The following VWF variants were observed in gnomAD, a reference collection of about 807,000 sequenced individuals.
The protein encoded by VWF is Factor VIII related antigen.
A neutral mutation model predicts 308.6 loss-of-function variants in VWF; 176 were observed. That is an observed-to-expected ratio of 0.57 (90% CI 0.50 to 0.65). The LOEUF is 0.65. Ranked by LOEUF, VWF falls within the 30% of genes least tolerant of loss-of-function variation. The pLI, the probability that VWF is intolerant of heterozygous loss-of-function variation, is 0.00. For synonymous variants in VWF, 1,385 were observed against 1,443.4 expected (o/e 0.96, Z 0.92); for missense variants, 3,146 against 3,648.2 (o/e 0.86, Z 3.55).
chr12:6,093,931 T>C (rs1311156905), intron 6 of VWF, among the ~76,000 whole-genome samples: 1 of 152,166 alleles, frequency 6.6e-6, no homozygotes, highest in Non-Finnish European at 1.5e-5. Flanking sequence ...GCTACAAGGC[T>C]ACCTTGTAAG....
At chr12:6,045,133 C>T (rs1190062705) in intron 17 of VWF, among the ~76,000 whole-genome samples, 2 of 152,230 alleles carry the variant, frequency 1.3e-5, no homozygotes, top group African/African-American at 2.4e-5. Flanking sequence ...TTTCTATCTA[C>T]TTTGCGCATT....
In VWF at chr12:5,958,297, G is replaced by A. The variant is rs533549799; in HGVS notation, c.7888-4703C>T. Among the ~76,000 whole-genome samples the A allele has an allele frequency of 2.6e-5, 4 of 152,324 alleles. No individual in the cohort carries two copies. In the East Asian group the frequency reaches 7.7e-4, roughly 29 times the overall value. ...AAAAGCAAAATTCAATTAGTATGTT[G>A]TTTTCAAGAGACGCACTTTTAATTT... is the stretch of plus-strand genomic sequence containing the variant. On this transcript the variant is annotated intron_variant, in intron 47 of 51. Coordinates refer to ENST00000261405, the MANE Select transcript of VWF (RefSeq NM_000552.5).
rs756566834 is a variant in VWF, at chr12:6,044,394, T to G, written c.2339A>C (p.Asn780Thr). 6.2e-7 allele frequency: 1 copy of G among 1,614,140 alleles called. No homozygotes were observed. The change falls in exon 18 of 52, where the codon AAC (asparagine) becomes ACC (threonine). Residue 780 changes from asparagine to threonine, a missense_variant. This residue lies in a region of VWF where 1,304 missense variants were observed against 1,353.0 expected (regional missense o/e 0.96). Coordinates refer to ENST00000261405, the MANE Select transcript of VWF (RefSeq NM_000552.5). Reference sequence around the variant, plus strand: ...ACACTCGAGCCCTTCAGCCCGCAGGTTGTCAGCGGGACACACCAGCTTGAC... The same window carrying G: ...ACACTCGAGCCCTTCAGCCCGCAGGGTGTCAGCGGGACACACCAGCTTGAC... ...PMVKLVCPADNLRAEGLECTK... is the reference protein window; with the variant it reads ...PMVKLVCPADTLRAEGLECTK...
chr12:5,980,158 TGAGGGAGGGAGG>T (rs1173781906), intron 42 of VWF, among the ~76,000 whole-genome samples: 322 of 24,440 alleles, frequency 0.013, 8 homozygotes, highest in African/African-American at 0.043. Context: ...AGGGAGGGAG[TGAGGGAGGGAGG>T]GAGGGAGGGA....
At chr12:6,103,549 C>T (rs1346234802) in intron 5 of VWF, among the ~76,000 whole-genome samples, 2 of 52,872 alleles carry the variant, frequency 3.8e-5, no homozygotes, top group Admixed American at 1.8e-4. Context: ...TATGTATACA[C>T]ACACACACAC....
chr12:6,006,479 T>C (rs148326025), intron 34 of VWF, among the ~76,000 whole-genome samples: 57 of 152,264 alleles, frequency 3.7e-4, no homozygotes, highest in Non-Finnish European at 6.5e-4. Flanking sequence ...AATGAATTTT[T>C]AAAAATAAAA....
intron 42 of VWF, among the ~76,000 whole-genome samples, chr12:5,976,757 A>G (rs779922097): frequency 2.6e-5 from 4 of 152,206 alleles, no homozygotes; most frequent in Non-Finnish European, 5.9e-5. Flanking sequence ...TGGGACACAG[A>G]GCAGGGGATA....
At position 5,976,260 on chromosome 12, in the gene VWF, C is replaced by T. The variant is rs756456376; in HGVS notation, c.7288G>A (p.Val2430Met). Residue 2430 changes from valine to methionine, a missense_variant and splice_region_variant, in exon 43 of 52, where the codon GTG becomes ATG. By Grantham distance (21) the Val-to-Met change is conservative. Around this residue, in one of 3 missense-constraint regions of VWF, gnomAD observed 989 missense variants for 1,117.4 expected, o/e 0.89. Coordinates refer to ENST00000261405, the MANE Select transcript of VWF (RefSeq NM_000552.5). Reference protein sequence around the residue: ...CTTTTCLPDKVCVHRSTIYPV... With the variant: ...CTTTTCLPDKMCVHRSTIYPV... Reference sequence around the variant, plus strand: ...TAGATGGTGCTTCGGTGGACACACACCTGTAGACATAAGTTTTCGTGAGTG... The same window carrying T: ...TAGATGGTGCTTCGGTGGACACACATCTGTAGACATAAGTTTTCGTGAGTG... 8 of 1,614,144 alleles carry T rather than the reference C, an allele frequency of 5.0e-6. 1 individual carries two copies. The South Asian group carries it at 5.5e-5, about 11-fold the overall frequency.
intron 9 of VWF, among the ~76,000 whole-genome samples, chr12:6,072,063 G>A (rs1944787771): frequency 6.6e-6 from 1 of 152,154 alleles, no homozygotes; most frequent in African/African-American, 2.4e-5. Flanking sequence ...TAGTTTGGAG[G>A]GACAGCTAGA....
In VWF at chr12:5,948,999, T is replaced by C. The variant is rs1236812746; in HGVS notation, c.*16A>G. The C allele has an allele frequency of 2.5e-6, 4 of 1,608,280 alleles. No homozygotes were observed. Among genetic ancestry groups the C allele is most frequent in the Admixed American group, 1.7e-5 (1 of 59,462 alleles). ...CAAGGCAGGCAGCAGCAGGCACCCA[T>C]GCAGCTGCAGCAGCCTCACTTGCTG... On this transcript the variant is annotated 3_prime_UTR_variant, in exon 52 of 52. Coordinates refer to ENST00000261405, the MANE Select transcript of VWF (RefSeq NM_000552.5). The surrounding 1 kb of genome is among the most constrained non-coding windows in gnomAD (Gnocchi z 4.4).
At chr12:6,023,039 T>C in intron 25 of VWF, 141 bp from the exon 26 acceptor site, 1 of 463,102 alleles carries the variant, frequency 2.2e-6, no homozygotes, top group Non-Finnish European at 4.0e-6. Context: ...TAGAGACTTC[T>C]GGATTGTTGA....
chr12:6,051,670 C>T (rs1028131214), intron 16 of VWF, among the ~76,000 whole-genome samples: 14 of 152,130 alleles, frequency 9.2e-5, no homozygotes, highest in African/African-American at 3.4e-4. Flanking sequence ...AATGCAGTGG[C>T]GCGATCACAG....
intron 47 of VWF, among the ~76,000 whole-genome samples, chr12:5,964,001 A>G (rs1242448355): frequency 6.6e-6 from 1 of 151,780 alleles, no homozygotes; most frequent in Non-Finnish European, 1.5e-5. Flanking sequence ...AGGTCAGGAG[A>G]TTGAGACCAT....
intron 32 of VWF, among the ~76,000 whole-genome samples, chr12:6,012,953 G>A (rs888461472): frequency 6.6e-6 from 1 of 151,952 alleles, no homozygotes; most frequent in African/African-American, 2.4e-5. Flanking sequence ...CGCCCGCCTC[G>A]GCCTCCCAAA....
In VWF at chr12:6,081,028, CG is replaced by C. The variant is rs1944903348; in HGVS notation, c.658-5478del. 3.3e-5 allele frequency among the ~76,000 whole-genome samples: 5 copies of C among 152,192 alleles called. No individual in the cohort carries two copies. In the South Asian group the frequency reaches 1.0e-3, roughly 32 times the overall value. On this transcript the variant is annotated intron_variant, in intron 6 of 51. Transcript: ENST00000261405. ...CTGGCTCTTACCATCCACTCAGTCA[CG>C]GGGGGCTATTGGCTCATAGAGCTCC...
chr12:6,031,382 G>A lies in VWF; in HGVS notation c.2820+62C>T. ...AGCTCTAAATGAATGCTTGGAAAAT[G>A]TTCCTATTAAGTGGCAGAAGCACAA... On this transcript the variant is annotated intron_variant, in intron 21 of 51. Transcript: ENST00000261405. The A allele has an allele frequency of 3.1e-6, 5 of 1,613,878 alleles. No individual in the cohort carries two copies. In the South Asian group the frequency reaches 4.4e-5, roughly 14 times the overall value.
At chr12:6,037,842 C>G (rs1860366) in intron 18 of VWF, among the ~76,000 whole-genome samples, 31,502 of 152,102 alleles carry the variant, frequency 0.21, 3,509 homozygotes, top group Non-Finnish European at 0.25. Context: ...ACAGGGCAAT[C>G]TTGGGCTGAA....
chr12:6,009,546 G>A (rs552000393), intron 34 of VWF, among the ~76,000 whole-genome samples: 3 of 152,144 alleles, frequency 2.0e-5, no homozygotes, highest in East Asian at 3.9e-4. Flanking sequence ...GTGGTGTCGC[G>A]ACTACAGAAA....
Position 5,949,212 on chromosome 12 carries a change from A to C in VWF, c.8254-9T>G. 1 of 1,613,164 alleles carries C rather than the reference A, an allele frequency of 6.2e-7. No homozygotes were observed. The highest frequency in any genetic ancestry group is 8.5e-7 in the Non-Finnish European group (1 of 1,179,952). On this transcript the variant is annotated splice_polypyrimidine_tract_variant and intron_variant, in intron 51 of 51. Coordinates refer to ENST00000261405, the MANE Select transcript of VWF (RefSeq NM_000552.5). ...TTGCTGGCACATTTGCCCTGCAAGA[A>C]AGCAGAGGAAGATGGGAGCTTCACA...
Sources: gnomAD v4.1 joint callset for allele counts (sites outside exome capture counted in the v4.1 genomes callset) on GRCh38, gnomAD v4.1.1 for gene constraint, gnomAD v4.1.1 regional missense constraint, Gnocchi (gnomAD v3.1) non-coding constraint, MANE v1.5 for transcripts, NCBI Gene and HGNC (gene_info 2026-07-23, HGNC 2026-07-21) for gene names.